ABCA10: variants seen among roughly 807,000 people sequenced by gnomAD.
ABCA10 encodes ATP-binding cassette sub-family A member 10.
Under a neutral mutation model 187.5 loss-of-function variants are expected in ABCA10, and 169 were observed. That is an observed-to-expected ratio of 0.90 (90% CI 0.80 to 1.02). The LOEUF is 1.02. Among genes scored for constraint, ABCA10 ranks in the 50% least tolerant of loss-of-function variants. The pLI is 0.00. For missense variants in ABCA10, 1,727 were observed against 1,812.4 expected, an observed-to-expected ratio of 0.95 and a Z score of 0.86; for synonymous variants, 574 against 601.8, an observed-to-expected ratio of 0.95 and a Z score of 0.68.
intron 34 of ABCA10, among the ~76,000 whole-genome samples, chr17:69,153,100 A>T (rs979917015): frequency 3.3e-5 from 5 of 152,156 alleles, no homozygotes; most frequent in Admixed American, 6.5e-5. Flanking sequence ...TATAATCAAG[A>T]GTTTATTTGG....
Position 69,193,760 on chromosome 17 carries a change from T to C in ABCA10, c.1521+54A>G, listed in dbSNP as rs529636582. 1,088 of 1,582,804 alleles carry C rather than the reference T, an allele frequency of 6.9e-4. 15 individuals carry two copies. The South Asian group carries it at 0.012, about 18-fold the overall frequency. On this transcript the variant is annotated intron_variant, in intron 13 of 38. Coordinates refer to ENST00000690296, the MANE Select transcript of ABCA10 (RefSeq NM_001377321.1). ...GAGTAATAGCTGAACAAAAAAAATATATAGTCAAAAGTAAATTATTTCCAA... is the reference window on the plus strand; with the variant it reads ...GAGTAATAGCTGAACAAAAAAAATACATAGTCAAAAGTAAATTATTTCCAA...
At chr17:69,176,736 A>C (rs1305521648) in intron 22 of ABCA10, among the ~76,000 whole-genome samples, 1 of 152,148 alleles carries the variant, frequency 6.6e-6, no homozygotes, top group African/African-American at 2.4e-5. Context: ...AGAATCGGAC[A>C]AGACTTCATC....
chr17:69,153,877 C>T lies in ABCA10; in HGVS notation c.3919G>A (p.Ala1307Thr), dbSNP rs772876949. 3.1e-6 allele frequency: 5 copies of T among 1,614,148 alleles called. No homozygotes were observed. The highest frequency in any genetic ancestry group is 1.1e-5 in the South Asian group (1 of 91,070). ...TMKEHLELYAAVKGLGKEDAA... is the reference protein window; with the variant it reads ...TMKEHLELYATVKGLGKEDAA... ...TCTTCTTTGCCCAGTCCTTTCACAG[C>T]TGCATACAACTCCAAGTGCTCTTTC... is the stretch of plus-strand genomic sequence containing the variant. Residue 1307 changes from alanine (A) to threonine (T), a missense_variant, in exon 32 of 39, where the codon GCT (alanine) becomes ACT (threonine). Coordinates refer to ENST00000690296, the MANE Select transcript of ABCA10 (RefSeq NM_001377321.1).
At chr17:69,221,658 C>G (rs2074748572) in intron 5 of ABCA10, 134 bp downstream of exon 5, 1 of 771,986 alleles carries the variant, frequency 1.3e-6, no homozygotes, top group South Asian at 2.2e-5. Context: ...CATGTGACAG[C>G]TTTTGTTTTC....
At chr17:69,235,735 C>T (rs2074864493) in intron 1 of ABCA10, among the ~76,000 whole-genome samples, 1 of 150,128 alleles carries the variant, frequency 6.7e-6, no homozygotes, top group African/African-American at 2.5e-5. Context: ...TTCCACCTGG[C>T]AGGATTAGAA....
intron 22 of ABCA10, among the ~76,000 whole-genome samples, chr17:69,181,177 T>C (rs1394310754): frequency 6.6e-6 from 1 of 152,166 alleles, no homozygotes; most frequent in Non-Finnish European, 1.5e-5. Context: ...TCTTTTGCAT[T>C]TGCATTAATC....
chr17:69,178,824 C>A (rs891956828), intron 22 of ABCA10: 11 of 152,010 alleles, frequency 7.2e-5, no homozygotes, highest in Admixed American at 5.2e-4. Context: ...AATGCAACAA[C>A]TAGAAAAAGA....
chr17:69,220,629 C>A (rs934984274), intron 5 of ABCA10, among the ~76,000 whole-genome samples: 21 of 152,126 alleles, frequency 1.4e-4, no homozygotes, highest in African/African-American at 5.1e-4. Flanking sequence ...AGAAAAACAT[C>A]CATGTTCATT....
At chr17:69,165,436 T>G (rs941199279) in intron 25 of ABCA10, among the ~76,000 whole-genome samples, 2 of 152,166 alleles carry the variant, frequency 1.3e-5, no homozygotes, top group African/African-American at 4.8e-5. Context: ...TGATATGACT[T>G]GGGAACTTAA....
At chr17:69,164,581 T>C (rs919451832) in intron 26 of ABCA10, among the ~76,000 whole-genome samples, 4 of 152,080 alleles carry the variant, frequency 2.6e-5, no homozygotes, top group Non-Finnish European at 4.4e-5. Flanking sequence ...AATCAATAAG[T>C]CCAATAAGAT....
chr17:69,201,791 TAA>T (rs1464276921), intron 9 of ABCA10, 123 bp from the exon 10 acceptor site: 48 of 898,532 alleles, frequency 5.3e-5, no homozygotes, highest in African/African-American at 4.1e-4. Flanking sequence ...TTTATATTTA[TAA>T]TTTTTTTTTT....
chr17:69,176,067 A>G (rs2074332040), intron 22 of ABCA10, among the ~76,000 whole-genome samples: 1 of 152,140 alleles, frequency 6.6e-6, no homozygotes, highest in Admixed American at 6.5e-5. Context: ...AGAAAGCAAA[A>G]TCACTGTGAA....
rs148597588 is a variant in ABCA10 at position 69,240,655 on chromosome 17, T to C, written c.-593+3874A>G. On this transcript the variant is annotated intron_variant, in intron 1 of 39. Transcript: ENST00000269081. ...TGACTGTGATATTAACTTGTTTCTGTAGAACTCTTCAGCTGCCTGACTTCT... is the reference window on the plus strand; with the variant it reads ...TGACTGTGATATTAACTTGTTTCTGCAGAACTCTTCAGCTGCCTGACTTCT... Among the ~76,000 whole-genome samples the C allele has an allele frequency of 2.8e-3, 433 of 152,350 alleles. 4 individuals carry two copies. The highest frequency in any genetic ancestry group is 9.6e-3 in the African/African-American group (400 of 41,590).
rs1203326028 is a variant in ABCA10, at chr17:69,216,258, T to G, written c.631A>C (p.Met211Leu). The change falls in exon 7 of 39, where the codon ATG becomes CTG. Residue 211 changes from methionine to leucine, a missense_variant. Met to Leu is a conservative substitution (Grantham distance 15). Transcript: ENST00000690296. ...AAGCTATAGAGTGTGAATATCACCATGAAGCCAGTATGAAATACAATTGGG... is the reference window on the plus strand; with the variant it reads ...AAGCTATAGAGTGTGAATATCACCAGGAAGCCAGTATGAAATACAATTGGG... ...SIPIVFHTGFMVIFTLYSLYG... is the reference protein window; with the variant it reads ...SIPIVFHTGFLVIFTLYSLYG... 6.2e-7 allele frequency: 1 copy of G among 1,613,714 alleles called. No homozygotes were observed. The highest frequency in any genetic ancestry group is 1.7e-5 in the Admixed American group (1 of 60,020).
intron 36 of ABCA10, among the ~76,000 whole-genome samples, chr17:69,151,533 T>C (rs969516276): frequency 1.3e-5 from 2 of 152,146 alleles, no homozygotes; most frequent in African/African-American, 4.8e-5. Context: ...TTCACAAGGG[T>C]TTGATTACCA....
At chr17:69,234,943 C>T (rs2074856997) in intron 1 of ABCA10, 1 of 151,984 alleles carries the variant, frequency 6.6e-6, no homozygotes, top group Non-Finnish European at 1.5e-5. Context: ...ATGCTTTCTC[C>T]CAGTGGGAAT....
intron 16 of ABCA10, 21 bp from the exon 17 acceptor site, chr17:69,191,336 T>C (rs1175693154): frequency 6.6e-7 from 1 of 1,511,908 alleles, no homozygotes; most frequent in East Asian, 2.4e-5. Flanking sequence ...AAAAGAGCCA[T>C]AAGTCTCTTG....
intron 1 of ABCA10, among the ~76,000 whole-genome samples, chr17:69,244,048 C>A (rs1041671380): frequency 2.0e-5 from 3 of 152,006 alleles, no homozygotes; most frequent in African/African-American, 7.3e-5. Flanking sequence ...TTGTATGAAT[C>A]AATTCATTCA....
chr17:69,193,229 G>T lies in ABCA10; in HGVS notation c.1661C>A (p.Pro554Gln), dbSNP rs756872426. Residue 554 changes from proline (P) to glutamine (Q), a missense_variant, in exon 15 of 39, where the codon CCA (proline) becomes CAA (glutamine). Coordinates refer to ENST00000690296, the MANE Select transcript of ABCA10 (RefSeq NM_001377321.1). ...TGAAAAGGGATCCAATCCAGCAGTT[G>T]GTTCATCTAGCAGCAAAACCTACAG... ...GDPQVLLLDE[P>Q]TAGLDPFSRH... 3 of 1,613,462 alleles carry T rather than the reference G, an allele frequency of 1.9e-6. No individual in the cohort carries two copies. The highest frequency in any genetic ancestry group is 2.5e-6 in the Non-Finnish European group (3 of 1,179,844).
Sources: allele counts gnomAD v4.1 joint callset (sites outside exome capture counted in the v4.1 genomes callset), GRCh38; gene constraint gnomAD v4.1.1; transcripts MANE v1.5; gene names NCBI Gene and HGNC (gene_info 2026-07-23, HGNC 2026-07-21).